Variants in TRPS1 observed in about 807,000 individuals in gnomAD.
TRPS1 encodes zinc finger transcription factor Trps1.
A neutral mutation model predicts 101.2 loss-of-function variants in TRPS1; 6 were observed. That is an observed-to-expected ratio of 0.06 (90% CI 0.03 to 0.12). The LOEUF (loss-of-function observed/expected upper bound fraction) is 0.12. Ranked by LOEUF, TRPS1 falls within the 10% of genes least tolerant of loss-of-function variation. TRPS1 has a pLI of 1.00. For synonymous variants in TRPS1, 578 were observed against 589.8 expected (o/e 0.98, Z 0.29); for missense variants, 1,363 against 1,567.0 (o/e 0.87, Z 2.20).
At chr8:115,527,444 G>C (rs1385829366) in intron 5 of TRPS1, among the ~76,000 whole-genome samples, 1 of 151,864 alleles carries the variant, frequency 6.6e-6, no homozygotes, top group Non-Finnish European at 1.5e-5. Flanking sequence ...TACTATTCCT[G>C]ACAACTTAAC....
At chr8:115,517,110 A>G (rs149690597) in intron 5 of TRPS1, among the ~76,000 whole-genome samples, 23 of 151,792 alleles carry the variant, frequency 1.5e-4, no homozygotes, top group African/African-American at 5.5e-4. Flanking sequence ...ATCCAAATCT[A>G]GAATATTTTC....
At chr8:115,611,260 T>C (rs1428614880) in intron 3 of TRPS1, among the ~76,000 whole-genome samples, 1 of 152,158 alleles carries the variant, frequency 6.6e-6, no homozygotes, top group Non-Finnish European at 1.5e-5. Flanking sequence ...AACCTGCAGG[T>C]GCTGCTGGTT....
intron 5 of TRPS1, among the ~76,000 whole-genome samples, chr8:115,535,300 T>TATATAGCATATATAGAGC (rs1816276432): frequency 7.9e-6 from 1 of 126,520 alleles, no homozygotes; most frequent in Admixed American, 8.0e-5. Context: ...ATATAGCATA[T>TATATAGCATATATAGAGC]ATATAGCATA....
rs1330942177 is a variant in TRPS1, at chr8:115,418,345, G to A, written c.2808C>T (p.Tyr936=). ...GGYVCNACGL[Y]QKLHSTPRPL... is the part of the protein sequence containing the mutation. ...AAGTTCTTACCGAGTGAAGCTTCTG[G>A]TAGAGGCCACACGCGTTGCATACAT... Residue 936 remains tyrosine, a synonymous_variant, in exon 6 of 7, where the codon TAC becomes TAT. Coordinates refer to ENST00000395715, the MANE Select transcript of TRPS1 (RefSeq NM_014112.5). This position sits in a 1 kb window ranked among gnomAD's most constrained non-coding sequence, Gnocchi z 4.3. 1.2e-6 allele frequency: 2 copies of A among 1,614,032 alleles called. No individual in the cohort carries two copies. The highest frequency in any genetic ancestry group is 1.1e-5 in the South Asian group (1 of 91,080).
At position 115,409,271 on chromosome 8, in the gene TRPS1, A is replaced by AAAAAC. The variant is rs891340789; in HGVS notation, c.*4751_*4752insGTTTT. On this transcript the variant is annotated 3_prime_UTR_variant, in exon 7 of 7. Transcript: ENST00000395715. ...CAGTTTATATGTTGGGAAAAAAAAA[A>AAAAAC]AAAAAAAAAACAGGGGAAAACCAGA... 2 of 149,512 alleles carry AAAAAC rather than the reference A, an allele frequency of 1.3e-5. No individual in the cohort carries two copies. The highest frequency in any genetic ancestry group is 4.9e-5 in the African/African-American group (2 of 40,840). 9.3% of individuals were successfully genotyped at this position (149,512 alleles called of 1,614,324 possible).
At chr8:115,490,774 C>G (rs1285708935) in intron 5 of TRPS1, among the ~76,000 whole-genome samples, 6 of 152,106 alleles carry the variant, frequency 3.9e-5, no homozygotes, top group Admixed American at 3.9e-4. Context: ...AAGTTAATAT[C>G]AAGGACTAGA....
intron 5 of TRPS1, among the ~76,000 whole-genome samples, chr8:115,551,221 T>A (rs1351595417): frequency 1.3e-5 from 2 of 152,182 alleles, no homozygotes; most frequent in Non-Finnish European, 2.9e-5. Flanking sequence ...TATTTGTATA[T>A]CCCATGATTT....
chr8:115,600,471 C>G (rs1056377535), intron 4 of TRPS1, among the ~76,000 whole-genome samples: 1 of 152,080 alleles, frequency 6.6e-6, no homozygotes, highest in Non-Finnish European at 1.5e-5. Flanking sequence ...AAATCCTAGC[C>G]ACCTTTAAGA....
chr8:115,438,572 T>C (rs1813514168), intron 5 of TRPS1, among the ~76,000 whole-genome samples: 1 of 152,210 alleles, frequency 6.6e-6, no homozygotes, highest in Non-Finnish European at 1.5e-5. Flanking sequence ...TTTCTTTATA[T>C]ATTTAGATAC....
intron 3 of TRPS1, among the ~76,000 whole-genome samples, chr8:115,607,985 T>TA (rs1818078719): frequency 6.6e-6 from 1 of 152,114 alleles, no homozygotes; most frequent in Non-Finnish European, 1.5e-5. Context: ...TTTTCTAGGG[T>TA]AAAAACAAAT....
At chr8:115,584,641 T>C (rs1335376573) in intron 5 of TRPS1, among the ~76,000 whole-genome samples, 1 of 151,656 alleles carries the variant, frequency 6.6e-6, no homozygotes, top group East Asian at 1.9e-4. Flanking sequence ...TTTTTTTTTT[T>C]CTACCACTGG....
chr8:115,604,636 T>C lies in TRPS1; in HGVS notation c.1333A>G (p.Ser445Gly), dbSNP rs1006986976. ...CTACAAAATTTACACCAGTAGTAAC[T>C]GGTGGCCTCTGTACCATTTTGTCTA... ...SSRQNGTEATSYYWCKFCSFS... is the reference protein window; with the variant it reads ...SSRQNGTEATGYYWCKFCSFS... The change falls in exon 4 of 7, where the codon AGT (serine) becomes GGT (glycine). Residue 445 changes from serine to glycine, a missense_variant. This residue lies in a region of TRPS1 where 1,020 missense variants were observed against 1,073.0 expected (regional missense o/e 0.95). Transcript: ENST00000395715. The surrounding 1 kb of genome is among the most constrained non-coding windows in gnomAD (Gnocchi z 4.1). The C allele has an allele frequency of 1.2e-6, 2 of 1,614,022 alleles. No individual in the cohort carries two copies. Among genetic ancestry groups the C allele is most frequent in the Non-Finnish European group, 1.7e-6 (2 of 1,179,992 alleles).
chr8:115,668,417 T>G (rs1402605342), intron 1 of TRPS1, 128 bp downstream of exon 1: 1 of 131,524 alleles, frequency 7.6e-6, no homozygotes, highest in Non-Finnish European at 1.6e-5. Context: ...ATCGCCCACA[T>G]TTTGCGCGCA....
At chr8:115,649,815 C>T (rs986566550) in intron 1 of TRPS1, among the ~76,000 whole-genome samples, 17 of 152,200 alleles carry the variant, frequency 1.1e-4, no homozygotes, top group African/African-American at 3.9e-4. Flanking sequence ...CATTTAATGT[C>T]CTCCTTCCCA....
chr8:115,652,006 G>A (rs1811570787), intron 1 of TRPS1, among the ~76,000 whole-genome samples: 1 of 152,166 alleles, frequency 6.6e-6, no homozygotes, highest in Non-Finnish European at 1.5e-5. Context: ...AACCAAGTTA[G>A]GTCTAGAGGT....
chr8:115,473,917 G>A (rs1157575711), intron 5 of TRPS1, among the ~76,000 whole-genome samples: 1 of 152,146 alleles, frequency 6.6e-6, no homozygotes, highest in Non-Finnish European at 1.5e-5. Flanking sequence ...GCTGTTCTCT[G>A]ACTTTATGCC....
chr8:115,535,225 T>TATATAGC (rs1816263917), intron 5 of TRPS1, among the ~76,000 whole-genome samples: 1 of 69,718 alleles, frequency 1.4e-5, no homozygotes, highest in African/African-American at 1.3e-4. Flanking sequence ...ATATATAGCA[T>TATATAGC]ATATATATAG....
rs1812795948 is a variant in TRPS1 at position 115,411,801 on chromosome 8, T to C, written c.*2222A>G. The stretch of plus-strand genomic sequence containing the variant: ...TCTCTTGCTTTCTCTTTTCTCTTTT[T>C]TTAATATGCAAACAAAAAAATGCAA... On this transcript the variant is annotated 3_prime_UTR_variant, in exon 7 of 7. Coordinates refer to ENST00000395715, the MANE Select transcript of TRPS1 (RefSeq NM_014112.5). 6.6e-6 allele frequency: 1 copy of C among 152,176 alleles called. No homozygotes were observed. Among genetic ancestry groups the C allele is most frequent in the Non-Finnish European group, 1.5e-5 (1 of 67,990 alleles). 9.4% of individuals were successfully genotyped at this position (152,176 alleles called of 1,614,324 possible).
At chr8:115,660,493 A>G (rs1049100720) in intron 1 of TRPS1, among the ~76,000 whole-genome samples, 1 of 151,948 alleles carries the variant, frequency 6.6e-6, no homozygotes. Flanking sequence ...GGACATATAT[A>G]GCAGATAATA....
Sources: allele counts gnomAD v4.1 joint callset (sites outside exome capture counted in the v4.1 genomes callset), GRCh38; gene constraint gnomAD v4.1.1; regional missense constraint gnomAD v4.1.1; non-coding constraint Gnocchi (gnomAD v3.1); transcripts MANE v1.5; gene names NCBI Gene and HGNC (gene_info 2026-07-23, HGNC 2026-07-21).